SHOC1: variants seen among roughly 807,000 people sequenced by gnomAD.
SHOC1 encodes the protein protein shortage in chiasmata 1 ortholog.
Under a neutral mutation model 179.2 loss-of-function variants are expected in SHOC1, and 136 were observed. That is an observed-to-expected ratio of 0.76 (90% CI 0.66 to 0.87). SHOC1 has a LOEUF of 0.87. Ranked by LOEUF, SHOC1 falls within the 40% of genes least tolerant of loss-of-function variation. The pLI is 0.00. For missense variants in SHOC1, 1,538 were observed against 1,700.8 expected (o/e 0.90, Z 1.68); for synonymous variants, 489 against 586.6 (o/e 0.83, Z 2.41).
intron 5 of SHOC1, among the ~76,000 whole-genome samples, chr9:111,765,350 T>G (rs1375448073): frequency 1.3e-5 from 2 of 152,260 alleles, no homozygotes; most frequent in East Asian, 3.9e-4. Flanking sequence ...GTAATCCCAG[T>G]GCTTTGCGAG....
chr9:111,696,495 T>C (rs1589375038), intron 24 of SHOC1, among the ~76,000 whole-genome samples: 2 of 152,324 alleles, frequency 1.3e-5, no homozygotes, highest in Middle Eastern at 6.8e-3. Flanking sequence ...AAATTGACCA[T>C]AGTTGCCTCT....
chr9:111,754,670 C>T (rs1194123869), intron 8 of SHOC1, among the ~76,000 whole-genome samples: 1 of 151,910 alleles, frequency 6.6e-6, no homozygotes, highest in African/African-American at 2.4e-5. Context: ...ATGTTCATAG[C>T]AGGATTACTT....
intron 12 of SHOC1, among the ~76,000 whole-genome samples, chr9:111,732,172 T>A (rs1360892409): frequency 6.6e-6 from 1 of 152,194 alleles, no homozygotes; most frequent in East Asian, 1.9e-4. Context: ...ATGGGGTAAC[T>A]GGATCTCTCA....
chr9:111,713,466 A>G (rs931696137), intron 17 of SHOC1, among the ~76,000 whole-genome samples: 1 of 152,182 alleles, frequency 6.6e-6, no homozygotes, highest in African/African-American at 2.4e-5. Flanking sequence ...GTTAAATTCA[A>G]CTCACATGTT....
chr9:111,708,664 TTC>T (rs1300579200), intron 18 of SHOC1, among the ~76,000 whole-genome samples: 6 of 152,230 alleles, frequency 3.9e-5, no homozygotes, highest in Non-Finnish European at 8.8e-5. Context: ...AATGCCTTTA[TTC>T]TCTTTCTACT....
At position 111,758,744 on chromosome 9, in the gene SHOC1, G is replaced by T. The variant is rs753414960; in HGVS notation, c.547C>A (p.Pro183Thr). 22 of 1,599,988 alleles carry T rather than the reference G, an allele frequency of 1.4e-5. No individual in the cohort carries two copies. Among genetic ancestry groups the T allele is most frequent in the Non-Finnish European group, 3.4e-6 (4 of 1,175,720 alleles). The change falls in exon 6 of 28, where the codon CCT (proline) becomes ACT (threonine). Residue 183 changes from proline (P) to threonine (T), a missense_variant. Physicochemically the swap from Pro to Thr is conservative, Grantham distance 38. Coordinates refer to ENST00000682961, the MANE Select transcript of SHOC1 (RefSeq NM_001378211.1). ...SRLKLFLVKD[P>T]LLDFKGQIFT... is the part of the protein sequence containing the mutation. ...ATCTGTCCTTTGAAATCTAAAAGAG[G>T]ATCCTTTACCAAAAACAGTTTTAGT... is the stretch of plus-strand genomic sequence containing the variant.
chr9:111,768,825 C>T (rs372401873), intron 5 of SHOC1, among the ~76,000 whole-genome samples: 28 of 152,228 alleles, frequency 1.8e-4, no homozygotes, highest in African/African-American at 5.5e-4. Context: ...AAATGGACAT[C>T]GTTGTCTTAT....
chr9:111,791,342 A>G (rs1010221084), intron 2 of SHOC1, 32 bp downstream of exon 2: 14 of 1,300,914 alleles, frequency 1.1e-5, no homozygotes, highest in African/African-American at 1.5e-5. Context: ...CATAATTCTC[A>G]GTAAATAGAC....
In SHOC1 at chr9:111,727,752, A is replaced by G. The variant is rs1833366370; in HGVS notation, c.1715T>C (p.Phe572Ser). The G allele has an allele frequency of 1.2e-6, 2 of 1,613,448 alleles. No homozygotes were observed. The highest frequency in any genetic ancestry group is 1.7e-5 in the Admixed American group (1 of 59,980). Residue 572 changes from phenylalanine (F) to serine (S), a missense_variant, in exon 13 of 28, where the codon TTT becomes TCT. Physicochemically the swap from Phe to Ser is radical, Grantham distance 155. Coordinates refer to ENST00000682961, the MANE Select transcript of SHOC1 (RefSeq NM_001378211.1). ...PSSSIIKKAS[F>S]EHGKKQENDL... ...ATTCTCTTGTTTTTTGCCATGTTCA[A>G]AAGATGCTTTTTTAATTATTGAAGA...
Position 111,791,429 on chromosome 9 carries a change from T to A in SHOC1, c.-11A>T. 1 of 1,460,770 alleles carries A rather than the reference T, an allele frequency of 6.8e-7. No individual in the cohort carries two copies. The highest frequency in any genetic ancestry group is 1.5e-5 in the South Asian group (1 of 66,234). The allele number at this position is 1,460,770 out of a possible 1,614,324, so 90.5% of individuals were successfully genotyped here. ...CAATGCTGAAAACATATCTTCTTTC[T>A]TTCAAAGCAGTGTAAATTTCAACAT... On this transcript the variant is annotated 5_prime_UTR_variant, in exon 2 of 28. It adds an upstream start codon to the 5' untranslated region. Transcript: ENST00000682961.
At chr9:111,769,158 G>C (rs561554709) in intron 5 of SHOC1, among the ~76,000 whole-genome samples, 7 of 152,208 alleles carry the variant, frequency 4.6e-5, no homozygotes, top group African/African-American at 1.7e-4. Flanking sequence ...CAGTTTACTA[G>C]TATTTTGTTG....
chr9:111,767,662 TA>T (rs1835407254), intron 5 of SHOC1, among the ~76,000 whole-genome samples: 1 of 152,166 alleles, frequency 6.6e-6, no homozygotes, highest in African/African-American at 2.4e-5. Flanking sequence ...TTGCTTTGGC[TA>T]TTTGGGGTCT....
At chr9:111,762,392 A>G (rs1314061676) in intron 5 of SHOC1, among the ~76,000 whole-genome samples, 6 of 151,998 alleles carry the variant, frequency 3.9e-5, no homozygotes, top group Non-Finnish European at 2.9e-5. Flanking sequence ...TTGCACCACT[A>G]TACTCCAGCC....
chr9:111,758,698 G>A lies in SHOC1; in HGVS notation c.593C>T (p.Ser198Phe), dbSNP rs549825901. 11 of 1,572,436 alleles carry A rather than the reference G, an allele frequency of 7.0e-6. No homozygotes were observed. The African/African-American group carries it at 1.4e-4, about 20-fold the overall frequency. ...KGQIFTEANF[S>F]RECFSLQETL... is the part of the protein sequence containing the mutation. ...CATTGGTCAATTAAGTAAGTACCTG[G>A]AAAAATTAGCTTCTGTGAAGATCTG... Residue 198 changes from serine (S) to phenylalanine (F), a missense_variant, in exon 6 of 28, where the codon TCC (serine) becomes TTC (phenylalanine). Physicochemically the swap from Ser to Phe is radical, Grantham distance 155. Coordinates refer to ENST00000682961, the MANE Select transcript of SHOC1 (RefSeq NM_001378211.1).
intron 3 of SHOC1, among the ~76,000 whole-genome samples, chr9:111,784,170 T>G (rs1171833949): frequency 6.6e-6 from 1 of 152,190 alleles, no homozygotes; most frequent in Non-Finnish European, 1.5e-5. Flanking sequence ...TGCTCAAGAT[T>G]AATGTAACCA....
At chr9:111,777,978 T>C (rs1403959229) in intron 4 of SHOC1, among the ~76,000 whole-genome samples, 1 of 152,242 alleles carries the variant, frequency 6.6e-6, no homozygotes, top group Non-Finnish European at 1.5e-5. Context: ...TGGATCGTTA[T>C]ATACTGAACT....
At position 111,750,687 on chromosome 9, in the gene SHOC1, G is replaced by A. The variant is rs549809122; in HGVS notation, c.863-2488C>T. On this transcript the variant is annotated intron_variant, in intron 8 of 27. Coordinates refer to ENST00000682961, the MANE Select transcript of SHOC1 (RefSeq NM_001378211.1). ...TCACGTCCTTTGCCCACTTTTGGGG[G>A]TTGTTTGCTTTTTTCTTGTACATTT... Among the ~76,000 whole-genome samples, 3 of 152,190 alleles carry A rather than the reference G, an allele frequency of 2.0e-5. No individual in the cohort carries two copies. The East Asian group carries it at 5.8e-4, about 29-fold the overall frequency.
At chr9:111,714,230 T>A (rs1486947034) in intron 17 of SHOC1, among the ~76,000 whole-genome samples, 2 of 152,192 alleles carry the variant, frequency 1.3e-5, no homozygotes, top group African/African-American at 4.8e-5. Flanking sequence ...TTGCCCACAC[T>A]GGTAAAGTAT....
rs777543094 is a variant in SHOC1 at position 111,692,154 on chromosome 9, C to G, written c.3823G>C (p.Glu1275Gln). The G allele has an allele frequency of 7.4e-6, 12 of 1,613,670 alleles. No individual in the cohort carries two copies. The highest frequency in any genetic ancestry group is 1.0e-5 in the Non-Finnish European group (12 of 1,179,784). The change falls in exon 27 of 28, where the codon GAA becomes CAA. Residue 1275 changes from glutamate (E) to glutamine (Q), a missense_variant. Physicochemically the swap from Glu to Gln is conservative, Grantham distance 29. Coordinates refer to ENST00000682961, the MANE Select transcript of SHOC1 (RefSeq NM_001378211.1). ...GQNTPFLINI[E>Q]SRRPAYNSFL... ...GAGTTATAAGCCGGTCTCCTTGATTCTATATTAATTAGAAAAGGAGTATTC... is the reference window on the plus strand; with the variant it reads ...GAGTTATAAGCCGGTCTCCTTGATTGTATATTAATTAGAAAAGGAGTATTC...
Sources: allele counts gnomAD v4.1 joint callset (sites outside exome capture counted in the v4.1 genomes callset), GRCh38; gene constraint gnomAD v4.1.1; transcripts MANE v1.5; gene names NCBI Gene and HGNC (gene_info 2026-07-23, HGNC 2026-07-21).